Variants in CDH4 observed in about 807,000 individuals in gnomAD.
CDH4 encodes the protein cadherin-4.
A neutral mutation model predicts 86.0 loss-of-function variants in CDH4; 33 were observed. That is an observed-to-expected ratio of 0.38 (90% CI 0.29 to 0.51). The LOEUF (loss-of-function observed/expected upper bound fraction) is 0.51, where lower values mean the gene tolerates loss of function less well. CDH4 is among the 20% of genes least tolerant of loss of function. The probability of loss-of-function intolerance (pLI) is 0.86; values close to 1 mark genes in which losing one functional copy is unlikely to be tolerated. For missense variants in CDH4, 1,114 were observed against 1,307.4 expected (o/e 0.85, Z 2.28); for synonymous variants, 555 against 549.4 (o/e 1.01, Z -0.14).
At chr20:61,719,230 AT>A in intron 2 of CDH4, 1 of 410,338 alleles carries the variant, frequency 2.4e-6, no homozygotes, top group South Asian at 1.9e-5. Context: ...TTCATTGCTA[AT>A]ACAGAGAAGG....
chr20:61,513,271 C>T (rs1194976121), intron 2 of CDH4, among the ~76,000 whole-genome samples: 2 of 152,210 alleles, frequency 1.3e-5, no homozygotes, highest in Admixed American at 6.5e-5. Context: ...TGTGATGCCA[C>T]AAGGCTGCTG....
intron 2 of CDH4, among the ~76,000 whole-genome samples, chr20:61,727,912 T>G (rs967621677): frequency 6.6e-6 from 1 of 152,100 alleles, no homozygotes; most frequent in Non-Finnish European, 1.5e-5. Context: ...AAACCAACCA[T>G]GACCACACCA....
intron 2 of CDH4, among the ~76,000 whole-genome samples, chr20:61,528,128 C>A (rs1436430631): frequency 6.6e-6 from 1 of 151,870 alleles, no homozygotes; most frequent in Non-Finnish European, 1.5e-5. Context: ...GTAATCCCAG[C>A]ACTTTGGGAG....
chr20:61,707,935 C>A (rs575054416), intron 2 of CDH4, among the ~76,000 whole-genome samples: 1 of 152,256 alleles, frequency 6.6e-6, no homozygotes, highest in African/African-American at 2.4e-5. Context: ...GTTATGCCTG[C>A]GGATGACAGG....
chr20:61,586,937 T>C (rs2086481392), intron 2 of CDH4, among the ~76,000 whole-genome samples: 1 of 152,192 alleles, frequency 6.6e-6, no homozygotes, highest in Non-Finnish European at 1.5e-5. Context: ...GATAAAATCA[T>C]AGATAAGCAG....
intron 2 of CDH4, among the ~76,000 whole-genome samples, chr20:61,513,171 G>A (rs2085792881): frequency 6.6e-6 from 1 of 152,056 alleles, no homozygotes; most frequent in Admixed American, 6.5e-5. Flanking sequence ...CTTCCATCTG[G>A]CCTGGAGCCC....
At chr20:61,733,192 TTAGGAGGG>T (rs1313017749) in intron 2 of CDH4, among the ~76,000 whole-genome samples, 3 of 152,062 alleles carry the variant, frequency 2.0e-5, no homozygotes, top group East Asian at 1.9e-4. Flanking sequence ...CTGATGTCGT[TTAGGAGGG>T]TCTTTGGTTG....
intron 2 of CDH4, among the ~76,000 whole-genome samples, chr20:61,556,215 A>G (rs914741892): frequency 3.3e-5 from 5 of 152,060 alleles, no homozygotes; most frequent in Middle Eastern, 3.2e-3. Context: ...TAGAAAATCT[A>G]TCCACCCAGG....
chr20:61,670,907 G>A (rs2087379301), intron 2 of CDH4, among the ~76,000 whole-genome samples: 1 of 152,066 alleles, frequency 6.6e-6, no homozygotes, highest in Non-Finnish European at 1.5e-5. Context: ...TCCACAAAAG[G>A]AAGGGCCCCT....
intron 2 of CDH4, among the ~76,000 whole-genome samples, chr20:61,456,087 AATGGCTGG>A (rs1022603747): frequency 2.6e-5 from 4 of 151,504 alleles, no homozygotes; most frequent in African/African-American, 7.3e-5. Flanking sequence ...AGGAAGGAGG[AATGGCTGG>A]ATGGTTGGAT....
intron 2 of CDH4, among the ~76,000 whole-genome samples, chr20:61,525,411 G>A (rs1368318323): frequency 6.6e-5 from 10 of 152,140 alleles, no homozygotes; most frequent in African/African-American, 1.9e-4. Context: ...CTGGGGAAGC[G>A]GGCTGTGCTC....
intron 2 of CDH4, among the ~76,000 whole-genome samples, chr20:61,481,702 A>G (rs1340545261): frequency 6.6e-6 from 1 of 152,246 alleles, no homozygotes; most frequent in African/African-American, 2.4e-5. Context: ...GCAAGCACAC[A>G]CGGTATGGAT....
chr20:61,473,415 A>C (rs973591490), intron 2 of CDH4, among the ~76,000 whole-genome samples: 3 of 152,166 alleles, frequency 2.0e-5, no homozygotes, highest in African/African-American at 7.2e-5. Context: ...ACCCCACCTA[A>C]GAAGCTGTGG....
rs530167075 is a variant in CDH4, at chr20:61,304,683, C to T, written c.169+49746C>T. Among the ~76,000 whole-genome samples, 11 of 152,016 alleles carry T rather than the reference C, an allele frequency of 7.2e-5. No individual in the cohort carries two copies. The East Asian group carries it at 7.7e-4, about 11-fold the overall frequency. ...TATAAAGTCCAGGAGCAACTAGAGA[C>T]GATGTATTTCTAGACTATGTATGTA... On this transcript the variant is annotated intron_variant, in intron 2 of 15. Coordinates refer to ENST00000614565, the MANE Select transcript of CDH4 (RefSeq NM_001794.5).
At chr20:61,333,811 G>A (rs1430049576) in intron 2 of CDH4, among the ~76,000 whole-genome samples, 1 of 152,232 alleles carries the variant, frequency 6.6e-6, no homozygotes, top group Non-Finnish European at 1.5e-5. Flanking sequence ...ACCTGCTTTG[G>A]AAACACACTC....
In CDH4 at chr20:61,498,595, C is replaced by T. The variant is rs115184354; in HGVS notation, c.169+243658C>T. ...TGTTACAATCTGCAGGTGAACCTCA[C>T]AGGGCCACAGGAGGACCTCCCAAAA... On this transcript the variant is annotated intron_variant, in intron 2 of 15. Coordinates refer to ENST00000614565, the MANE Select transcript of CDH4 (RefSeq NM_001794.5). Among the ~76,000 whole-genome samples the T allele has an allele frequency of 2.2e-3, 332 of 152,264 alleles. 2 individuals are homozygous for T. Among genetic ancestry groups the T allele is most frequent in the African/African-American group, 7.7e-3 (321 of 41,572 alleles).
intron 2 of CDH4, chr20:61,435,682 G>T (rs1443716720): frequency 3.9e-5 from 6 of 152,392 alleles, no homozygotes; most frequent in African/African-American, 1.4e-4. Context: ...TGCACCTGCA[G>T]GAGGCCAGAG....
chr20:61,884,629 G>GAA (rs1984453198), intron 7 of CDH4, among the ~76,000 whole-genome samples: 2 of 152,110 alleles, frequency 1.3e-5, no homozygotes, highest in Non-Finnish European at 2.9e-5. Flanking sequence ...GGGAACCTCA[G>GAA]AAAGGAGCCC....
intron 2 of CDH4, among the ~76,000 whole-genome samples, chr20:61,576,533 C>T (rs2086383670): frequency 6.6e-6 from 1 of 152,164 alleles, no homozygotes; most frequent in South Asian, 2.1e-4. Context: ...AAAAATATGT[C>T]TGTACCACTG....
Sources: allele counts gnomAD v4.1 joint callset (sites outside exome capture counted in the v4.1 genomes callset), GRCh38; gene constraint gnomAD v4.1.1; transcripts MANE v1.5; gene names NCBI Gene and HGNC (gene_info 2026-07-23, HGNC 2026-07-21).